The following SLC10A7 variants were observed in gnomAD, a reference collection of about 807,000 sequenced individuals.
SLC10A7 encodes solute carrier family 10 member 7.
SLC10A7 carries 29 observed loss-of-function variants against 43.2 expected under a neutral mutation model. That is an observed-to-expected ratio of 0.67 (90% CI 0.50 to 0.92). The LOEUF (loss-of-function observed/expected upper bound fraction) is 0.92, where lower values mean the gene tolerates loss of function less well. SLC10A7 is among the 40% of genes least tolerant of loss of function. The probability of loss-of-function intolerance (pLI) is 0.00; values close to 1 mark genes in which losing one functional copy is unlikely to be tolerated. For missense variants in SLC10A7, 295 were observed against 403.2 expected, an observed-to-expected ratio of 0.73 and a Z score of 2.30; for synonymous variants, 152 against 144.8, an observed-to-expected ratio of 1.05 and a Z score of -0.35.
chr4:146,326,085 G>T, intron 5 of SLC10A7, 89 bp from the exon 6 acceptor site: 2 of 1,091,500 alleles, frequency 1.8e-6, no homozygotes, highest in Non-Finnish European at 2.7e-6. Flanking sequence ...GCATAGGAGT[G>T]CTTATCTTCT....
chr4:146,259,772 CACTAGCAGTCTA>C (rs2110980768), intron 10 of SLC10A7, among the ~76,000 whole-genome samples: 1 of 152,350 alleles, frequency 6.6e-6, no homozygotes, highest in East Asian at 1.9e-4. Flanking sequence ...ACAATTCAGA[CACTAGCAGTCTA>C]ACTATTATTA....
At chr4:146,399,614 A>G (rs957321199) in intron 5 of SLC10A7, among the ~76,000 whole-genome samples, 4 of 152,178 alleles carry the variant, frequency 2.6e-5, no homozygotes, top group Non-Finnish European at 5.9e-5. Context: ...GAAGTTGATA[A>G]ACTCAAGATA....
chr4:146,506,265 A>C (rs1289305875), intron 3 of SLC10A7, among the ~76,000 whole-genome samples: 1 of 152,214 alleles, frequency 6.6e-6, no homozygotes, highest in Non-Finnish European at 1.5e-5. Context: ...ATCTCAAAAA[A>C]AAAAATTTGC....
intron 7 of SLC10A7, among the ~76,000 whole-genome samples, chr4:146,305,645 G>T (rs1437662364): frequency 6.6e-6 from 1 of 151,132 alleles, no homozygotes; most frequent in African/African-American, 2.4e-5. Flanking sequence ...CAGCTACAAA[G>T]AGGAGATAAT....
chr4:146,293,731 A>AC (rs2111189038), intron 8 of SLC10A7, among the ~76,000 whole-genome samples, 199 bp downstream of exon 8: 1 of 152,324 alleles, frequency 6.6e-6, no homozygotes, highest in Non-Finnish European at 1.5e-5. Flanking sequence ...AGACGCAAAA[A>AC]CAAAGGAAAT....
intron 4 of SLC10A7, among the ~76,000 whole-genome samples, chr4:146,483,031 A>C (rs1030378693): frequency 1.3e-5 from 2 of 152,212 alleles, no homozygotes; most frequent in Non-Finnish European, 2.9e-5. Context: ...TTTTTCATAG[A>C]CAAGCAAAAG....
intron 1 of SLC10A7, among the ~76,000 whole-genome samples, chr4:146,520,308 G>T (rs1738506767): frequency 6.6e-6 from 1 of 152,158 alleles, no homozygotes; most frequent in Non-Finnish European, 1.5e-5. Context: ...CTTCACAAGA[G>T]TTTCCCAAAA....
In SLC10A7 at chr4:146,507,196, A is replaced by G. The variant is rs926901189; in HGVS notation, c.320+2717T>C. Among the ~76,000 whole-genome samples, 14 of 152,310 alleles carry G rather than the reference A, an allele frequency of 9.2e-5. 1 individual carries two copies. Among genetic ancestry groups the G allele is most frequent in the South Asian group, 8.3e-4 (4 of 4,826 alleles). ...TGAATTTACATATTTTTTTTGATCA[A>G]TGGGACCAGTTTTTTCCCTAATGAT... On this transcript the variant is annotated intron_variant, in intron 3 of 11. Transcript: ENST00000335472.
intron 1 of SLC10A7, among the ~76,000 whole-genome samples, chr4:146,520,265 G>A (rs1180708476): frequency 1.9e-5 from 1 of 53,594 alleles, no homozygotes; most frequent in Admixed American, 2.0e-4. Context: ...ATTTAGCTCC[G>A]GGGATAGGGG....
intron 5 of SLC10A7, among the ~76,000 whole-genome samples, chr4:146,385,686 C>T (rs949992181): frequency 1.3e-5 from 2 of 152,108 alleles, no homozygotes; most frequent in Non-Finnish European, 2.9e-5. Context: ...GTTTGGAGTA[C>T]ATTTGATCTC....
chr4:146,272,684 A>G (rs1331149777), intron 10 of SLC10A7, among the ~76,000 whole-genome samples: 4 of 152,184 alleles, frequency 2.6e-5, no homozygotes, highest in East Asian at 1.9e-4. Context: ...TCTGTTTGCA[A>G]GTTGAAATTG....
intron 4 of SLC10A7, among the ~76,000 whole-genome samples, chr4:146,467,871 T>C (rs1459474631): frequency 1.3e-5 from 2 of 152,184 alleles, no homozygotes; most frequent in African/African-American, 2.4e-5. Flanking sequence ...CCTTGCCCTC[T>C]TTTATCTATG....
chr4:146,348,299 G>A (rs1734768844), intron 5 of SLC10A7, among the ~76,000 whole-genome samples: 1 of 152,150 alleles, frequency 6.6e-6, no homozygotes, highest in African/African-American at 2.4e-5. Context: ...TGAAGAAAAT[G>A]CAATCTAAGA....
chr4:146,283,185 C>CTCA lies in SLC10A7; in HGVS notation c.847+6_847+7insTGA. On this transcript the variant is annotated splice_region_variant and intron_variant, in intron 10 of 11. Coordinates refer to ENST00000335472, the MANE Select transcript of SLC10A7 (RefSeq NM_001029998.6). ...ATAGGTGGTTTTTAACTCTGTGAATCACTTACCCAATGTAAGGGATTTGTG... is the reference window on the plus strand; with the variant it reads ...ATAGGTGGTTTTTAACTCTGTGAATCTCAACTTACCCAATGTAAGGGATTTGTG... 6.2e-7 allele frequency: 1 copy of CTCA among 1,609,984 alleles called. No individual in the cohort carries two copies. The highest frequency in any genetic ancestry group is 8.5e-7 in the Non-Finnish European group (1 of 1,176,812).
intron 7 of SLC10A7, 141 bp downstream of exon 7, chr4:146,305,781 GTGAT>G: frequency 1.4e-6 from 1 of 693,714 alleles, no homozygotes; most frequent in Non-Finnish European, 2.4e-6. Context: ...TGAGAATACT[GTGAT>G]TGATGAAAGT....
At chr4:146,436,625 G>T (rs1249818308) in intron 5 of SLC10A7, among the ~76,000 whole-genome samples, 5 of 151,968 alleles carry the variant, frequency 3.3e-5, no homozygotes, top group Non-Finnish European at 7.4e-5. Flanking sequence ...ATGAAAACAA[G>T]ATGACTCAAA....
At chr4:146,400,035 C>G (rs1739119612) in intron 5 of SLC10A7, among the ~76,000 whole-genome samples, 1 of 152,032 alleles carries the variant, frequency 6.6e-6, no homozygotes, top group Non-Finnish European at 1.5e-5. Flanking sequence ...GGCCTGAGAC[C>G]CTCTAACATT....
chr4:146,412,073 A>AT (rs1207813982), intron 5 of SLC10A7, among the ~76,000 whole-genome samples: 1 of 152,112 alleles, frequency 6.6e-6, no homozygotes, highest in Non-Finnish European at 1.5e-5. Context: ...CTTCATCTGC[A>AT]TTTCTAACAC....
At chr4:146,374,284 C>A (rs1737003457) in intron 5 of SLC10A7, among the ~76,000 whole-genome samples, 1 of 152,122 alleles carries the variant, frequency 6.6e-6, no homozygotes, top group Non-Finnish European at 1.5e-5. Context: ...TTTCCCCTCC[C>A]ATCTTATAAC....
Sources: gnomAD v4.1 joint callset for allele counts (sites outside exome capture counted in the v4.1 genomes callset) on GRCh38, gnomAD v4.1.1 for gene constraint, MANE v1.5 for transcripts, NCBI Gene and HGNC (gene_info 2026-07-23, HGNC 2026-07-21) for gene names.